The following AAK1 variants were observed in gnomAD, a reference collection of about 807,000 sequenced individuals.
The protein encoded by AAK1 is AP2-associated protein kinase 1.
Under a neutral mutation model 116.0 loss-of-function variants are expected in AAK1, and 37 were observed. The observed-to-expected ratio is 0.32, with a 90% CI of 0.25 to 0.42. The LOEUF (loss-of-function observed/expected upper bound fraction) is 0.42. AAK1 is among the 10% of genes least tolerant of loss of function. AAK1 has a pLI of 1.00. For missense variants in AAK1, 919 were observed against 1,170.6 expected, an observed-to-expected ratio of 0.79 and a Z score of 3.14; for synonymous variants, 458 against 439.9, an observed-to-expected ratio of 1.04 and a Z score of -0.51.
At position 69,472,917 on chromosome 2, in the gene AAK1, G is replaced by A. The variant is rs1054262862; in HGVS notation, c.*2952C>T. ...CTTCTATTCAGATAATCAAGAAAGA[G>A]CAAGTTAGTAAAAGCCCATTATAAT... On this transcript the variant is annotated 3_prime_UTR_variant, in exon 22 of 22. Coordinates refer to ENST00000409085, the MANE Select transcript of AAK1 (RefSeq NM_014911.5). The A allele has an allele frequency of 1.0e-6, 1 of 985,580 alleles. No homozygotes were observed. Among genetic ancestry groups the A allele is most frequent in the Non-Finnish European group, 1.2e-6 (1 of 829,814 alleles). The allele number at this position is 985,580 out of a possible 1,614,324, so 61.1% of individuals were successfully genotyped here. A position where few individuals can be genotyped will look rare whatever the true frequency, so the allele number is the denominator to read the frequency against.
intron 2 of AAK1, chr2:69,598,081 A>T: frequency 1.3e-6 from 1 of 759,194 alleles, no homozygotes; most frequent in Non-Finnish European, 1.9e-6. Flanking sequence ...ACATAATGCA[A>T]CCACATGTTT....
At chr2:69,625,964 C>T (rs908368633) in intron 2 of AAK1, among the ~76,000 whole-genome samples, 1 of 152,150 alleles carries the variant, frequency 6.6e-6, no homozygotes, top group Non-Finnish European at 1.5e-5. Context: ...AAAACAGAAG[C>T]AAGAACTCCC....
chr2:69,603,506 C>G lies in AAK1; in HGVS notation c.163+39372G>C, dbSNP rs540312902. ...CTCCCTTTCCATGATCTTCCCCCTC[C>G]TGCCTAACCAGCCATCACTGCAGAA... On this transcript the variant is annotated intron_variant, in intron 2 of 21. Coordinates refer to ENST00000409085, the MANE Select transcript of AAK1 (RefSeq NM_014911.5). 7.2e-5 allele frequency among the ~76,000 whole-genome samples: 11 copies of G among 152,288 alleles called. No individual in the cohort carries two copies. The East Asian group carries it at 2.1e-3, about 29-fold the overall frequency.
At chr2:69,572,400 C>CT (rs1368526977) in intron 2 of AAK1, among the ~76,000 whole-genome samples, 1 of 151,940 alleles carries the variant, frequency 6.6e-6, no homozygotes, top group Non-Finnish European at 1.5e-5. Context: ...GGCAGATCAC[C>CT]TGAGGTGAGG....
chr2:69,642,928 ACT>A lies in AAK1; in HGVS notation c.111_112del (p.Arg37SerfsTer44). The A allele has an allele frequency of 6.2e-7, 1 of 1,612,960 alleles. No homozygotes were observed. Among genetic ancestry groups the A allele is most frequent in the Non-Finnish European group, 8.5e-7 (1 of 1,179,656 alleles). ...GACCTGCTGTCGCCCGATGCCGAAG[ACT>A]CTTCCGATGTAGCCACTGCCCAGGC... On this transcript the variant is annotated frameshift_variant, in exon 2 of 22. Coordinates refer to ENST00000409085, the MANE Select transcript of AAK1 (RefSeq NM_014911.5). LOFTEE classifies it high-confidence loss of function.
In AAK1 at chr2:69,462,993, A is replaced by G. The variant is rs997734760; in HGVS notation, c.*12876T>C. 2 of 152,224 alleles carry G rather than the reference A, an allele frequency of 1.3e-5. No homozygotes were observed. Among genetic ancestry groups the G allele is most frequent in the East Asian group, 3.8e-4 (2 of 5,200 alleles). The allele number at this position is 152,224 out of a possible 1,614,324, so 9.4% of individuals were successfully genotyped here. A position where few individuals can be genotyped will look rare whatever the true frequency, so the allele number is the denominator to read the frequency against. ...GAAAACCAAACCTTGGCACAGTGCC[A>G]ATTATTTATCTTTTGATCAGGACAT... On this transcript the variant is annotated 3_prime_UTR_variant, in exon 22 of 22. Transcript: ENST00000409085.
intron 11 of AAK1, among the ~76,000 whole-genome samples, chr2:69,520,623 T>C (rs909744114): frequency 1.3e-5 from 2 of 152,178 alleles, no homozygotes; most frequent in Middle Eastern, 3.4e-3. Context: ...CGCCTTAGCC[T>C]CCCAAAGTGT....
At chr2:69,492,712 A>G (rs1189208444) in intron 17 of AAK1, among the ~76,000 whole-genome samples, 1 of 149,816 alleles carries the variant, frequency 6.7e-6, no homozygotes, top group Non-Finnish European at 1.5e-5. Context: ...TAGTAGAGAC[A>G]GGGATTTCAT....
In AAK1 at chr2:69,467,550, TG is replaced by T; in HGVS notation, c.*8318del. ...TGGGGGTAAAGGTATCATTTCATCA[TG>T]GGCTCAGTAAAGAGATACTACTGGA... On this transcript the variant is annotated 3_prime_UTR_variant, in exon 22 of 22. Transcript: ENST00000409085. The T allele has an allele frequency of 3.0e-6, 3 of 985,416 alleles. No individual in the cohort carries two copies. The highest frequency in any genetic ancestry group is 3.6e-6 in the Non-Finnish European group (3 of 829,926). 61.0% of individuals were successfully genotyped at this position (985,416 alleles called of 1,614,324 possible).
rs187659443 is a variant in AAK1, at chr2:69,639,005, T to A, written c.163+3873A>T. Among the ~76,000 whole-genome samples the A allele has an allele frequency of 2.6e-5, 4 of 152,316 alleles. No homozygotes were observed. The East Asian group carries it at 7.7e-4, about 29-fold the overall frequency. On this transcript the variant is annotated intron_variant, in intron 2 of 21. Transcript: ENST00000409085. Reference sequence around the variant, plus strand: ...CCACCAACATATTATGTGCCTTTAATGGAATTTTTGGTGATTTCACACACA... The same window carrying A: ...CCACCAACATATTATGTGCCTTTAAAGGAATTTTTGGTGATTTCACACACA...
intron 21 of AAK1, among the ~76,000 whole-genome samples, chr2:69,476,432 G>C (rs984941075): frequency 2.0e-5 from 3 of 152,074 alleles, no homozygotes; most frequent in Admixed American, 2.0e-4. Context: ...GTGTTTTATG[G>C]CATGTTCACA....
At chr2:69,603,140 G>C in intron 2 of AAK1, among the ~76,000 whole-genome samples, 1 of 152,052 alleles carries the variant, frequency 6.6e-6, no homozygotes, top group South Asian at 2.1e-4. Flanking sequence ...TCAATAAAGA[G>C]GCATTTTCAA....
At chr2:69,618,600 C>T (rs1304923023) in intron 2 of AAK1, among the ~76,000 whole-genome samples, 4 of 152,204 alleles carry the variant, frequency 2.6e-5, no homozygotes, top group Admixed American at 6.5e-5. Context: ...GCTCATGCCA[C>T]GTGGCTACAC....
At chr2:69,562,396 GA>G (rs1671680241) in intron 2 of AAK1, among the ~76,000 whole-genome samples, 1 of 152,190 alleles carries the variant, frequency 6.6e-6, no homozygotes, top group Non-Finnish European at 1.5e-5. Flanking sequence ...ATAAGCATAG[GA>G]TCATGGAGTC....
chr2:69,596,378 C>T (rs545925442), intron 2 of AAK1, among the ~76,000 whole-genome samples: 4 of 152,174 alleles, frequency 2.6e-5, no homozygotes, highest in East Asian at 3.9e-4. Context: ...CCTGCCACCA[C>T]GCCCAGCTAA....
At chr2:69,599,846 C>A (rs768174541) in intron 2 of AAK1, among the ~76,000 whole-genome samples, 1 of 152,076 alleles carries the variant, frequency 6.6e-6, no homozygotes, top group East Asian at 1.9e-4. Flanking sequence ...GGTATGATCA[C>A]GGCTCACTGC....
chr2:69,521,965 G>A (rs1669803927), intron 10 of AAK1, among the ~76,000 whole-genome samples: 1 of 152,150 alleles, frequency 6.6e-6, no homozygotes, highest in Non-Finnish European at 1.5e-5. Context: ...TTGTTTACTT[G>A]AGAGAAAAAA....
chr2:69,541,655 C>T (rs960515685), intron 5 of AAK1, among the ~76,000 whole-genome samples: 1 of 152,204 alleles, frequency 6.6e-6, no homozygotes, highest in East Asian at 1.9e-4. Context: ...TTAGAGTATA[C>T]AAAAACCACC....
At chr2:69,533,143 T>C (rs1249417263) in intron 5 of AAK1, among the ~76,000 whole-genome samples, 1 of 152,136 alleles carries the variant, frequency 6.6e-6, no homozygotes, top group Non-Finnish European at 1.5e-5. Context: ...CTGATCACCT[T>C]TGGAAAACAA....
Sources: allele counts gnomAD v4.1 joint callset (sites outside exome capture counted in the v4.1 genomes callset), GRCh38; gene constraint gnomAD v4.1.1; transcripts MANE v1.5; gene names NCBI Gene and HGNC (gene_info 2026-07-23, HGNC 2026-07-21).